ANTXR2: variants seen among roughly 807,000 people sequenced by gnomAD.
The protein encoded by ANTXR2 is ANTXR cell adhesion molecule 2, also known as anthrax toxin receptor 2.
Under a neutral mutation model 73.7 loss-of-function variants are expected in ANTXR2, and 44 were observed. The ratio of observed to expected loss-of-function variants is 0.60; its 90% CI spans 0.47 to 0.77. ANTXR2 has a LOEUF of 0.77. ANTXR2 is among the 30% of genes least tolerant of loss of function. The pLI, the probability that ANTXR2 is intolerant of heterozygous loss-of-function variation, is 0.00. For missense variants in ANTXR2, 604 were observed against 592.5 expected (o/e 1.02, Z -0.20); for synonymous variants, 217 against 205.9 (o/e 1.05, Z -0.46).
chr4:79,917,678 A>C (rs1181310987), intron 16 of ANTXR2, among the ~76,000 whole-genome samples: 4 of 152,176 alleles, frequency 2.6e-5, no homozygotes, highest in Non-Finnish European at 4.4e-5. Flanking sequence ...CTAGTGAACT[A>C]AAAATAAGTA....
At chr4:80,054,952 T>C (rs1024261863) in intron 6 of ANTXR2, among the ~76,000 whole-genome samples, 198 bp downstream of exon 6, 2 of 151,774 alleles carry the variant, frequency 1.3e-5, no homozygotes, top group Admixed American at 6.6e-5. Flanking sequence ...TTGAGAGATT[T>C]AAAGTTTCAT....
chr4:80,068,729 A>G (rs1276770732), intron 3 of ANTXR2, among the ~76,000 whole-genome samples: 1 of 152,136 alleles, frequency 6.6e-6, no homozygotes, highest in East Asian at 1.9e-4. Flanking sequence ...CCAAGATAGC[A>G]CCACTGCACT....
At chr4:79,912,809 T>C (rs1295597556) in intron 16 of ANTXR2, among the ~76,000 whole-genome samples, 3 of 152,118 alleles carry the variant, frequency 2.0e-5, no homozygotes, top group Non-Finnish European at 4.4e-5. Flanking sequence ...TTCAGATTCA[T>C]CTATTTTACT....
chr4:79,931,479 CTCTCTT>C (rs1392766569), intron 16 of ANTXR2, among the ~76,000 whole-genome samples: 1 of 149,238 alleles, frequency 6.7e-6, no homozygotes, highest in East Asian at 1.9e-4. Context: ...CTCTCTCTCT[CTCTCTT>C]TCTCCCCAAA....
rs1329770281 is a variant in ANTXR2, at chr4:80,008,607, T to A, written c.955A>T (p.Ile319Phe). 1 of 1,601,530 alleles carries A rather than the reference T, an allele frequency of 6.2e-7. No homozygotes were observed. The highest frequency in any genetic ancestry group is 1.1e-5 in the South Asian group (1 of 87,692). Residue 319 changes from isoleucine to phenylalanine, a missense_variant, in exon 12 of 17, where the codon ATC becomes TTC. By Grantham distance (21) the Ile-to-Phe change is conservative. Transcript: ENST00000403729. Reference protein sequence around the residue: ...IVTATECSNGIAAIIVILVLL... With the variant: ...IVTATECSNGFAAIIVILVLL... ...ACCAAAATAACAATGATGGCTGCGA[T>A]CCCGTTAGACTAAAGTAGGCAAAAA...
chr4:79,977,566 C>G, intron 16 of ANTXR2, 55 bp downstream of exon 16: 3 of 1,545,704 alleles, frequency 1.9e-6, no homozygotes, highest in Non-Finnish European at 2.6e-6. Flanking sequence ...TTCCCTGCCT[C>G]CATTATACTG....
At chr4:79,995,097 T>C (rs955028753) in intron 12 of ANTXR2, among the ~76,000 whole-genome samples, 3 of 152,042 alleles carry the variant, frequency 2.0e-5, no homozygotes, top group Non-Finnish European at 4.4e-5. Flanking sequence ...CATAAAACTT[T>C]TTAAAGTATA....
At chr4:79,981,185 T>C (rs892861828) in intron 14 of ANTXR2, among the ~76,000 whole-genome samples, 1 of 152,158 alleles carries the variant, frequency 6.6e-6, no homozygotes, top group Non-Finnish European at 1.5e-5. Flanking sequence ...TTTGAAAATG[T>C]TTAATGATGC....
chr4:79,935,218 C>T (rs1728215048), intron 16 of ANTXR2, among the ~76,000 whole-genome samples: 2 of 151,534 alleles, frequency 1.3e-5, no homozygotes, highest in Non-Finnish European at 2.9e-5. Flanking sequence ...TGTCATCGCC[C>T]CCCAACTTTT....
At chr4:79,993,494 T>C (rs542536633) in intron 12 of ANTXR2, among the ~76,000 whole-genome samples, 11 of 151,822 alleles carry the variant, frequency 7.2e-5, no homozygotes, top group Non-Finnish European at 1.0e-4. Flanking sequence ...ATGTACCTAG[T>C]ACAACATTTT....
chr4:79,912,914 T>C (rs755970700), intron 16 of ANTXR2, among the ~76,000 whole-genome samples: 1 of 152,160 alleles, frequency 6.6e-6, no homozygotes, highest in Non-Finnish European at 1.5e-5. Context: ...AAGACTTTAA[T>C]AGACAATATA....
At chr4:79,907,731 A>G (rs1424235977) in intron 16 of ANTXR2, among the ~76,000 whole-genome samples, 3 of 152,184 alleles carry the variant, frequency 2.0e-5, no homozygotes, top group African/African-American at 7.2e-5. Flanking sequence ...ACTATTATCT[A>G]AAATACAGCA....
chr4:80,009,597 C>T (rs974010851), intron 11 of ANTXR2, among the ~76,000 whole-genome samples: 2 of 152,072 alleles, frequency 1.3e-5, no homozygotes, highest in African/African-American at 2.4e-5. Context: ...CGCCTGTAAT[C>T]CCAGCACTTT....
intron 14 of ANTXR2, among the ~76,000 whole-genome samples, chr4:79,979,954 T>C (rs931675703): frequency 2.0e-5 from 3 of 152,152 alleles, no homozygotes; most frequent in Non-Finnish European, 2.9e-5. Flanking sequence ...CATTCAGAAA[T>C]GATAGGCTTT....
chr4:79,958,674 G>A (rs7654129), intron 16 of ANTXR2, among the ~76,000 whole-genome samples: 30,049 of 152,048 alleles, frequency 0.2, 4,960 homozygotes, highest in African/African-American at 0.45. Flanking sequence ...CCAACAGCTC[G>A]GACAGCTGTC....
At chr4:80,019,777 C>T (rs959717056) in intron 10 of ANTXR2, among the ~76,000 whole-genome samples, 14 of 152,004 alleles carry the variant, frequency 9.2e-5, no homozygotes, top group African/African-American at 2.7e-4. Context: ...TTAAAATATC[C>T]CGACAAAGGT....
chr4:80,011,309 A>G lies in ANTXR2; in HGVS notation c.946-2693T>C, dbSNP rs966714084. Among the ~76,000 whole-genome samples, 22 of 146,126 alleles carry G rather than the reference A, an allele frequency of 1.5e-4. 1 individual carries two copies. The highest frequency in any genetic ancestry group is 2.1e-4 in the Admixed American group (3 of 14,564). On this transcript the variant is annotated intron_variant, in intron 11 of 16. Coordinates refer to ENST00000403729, the MANE Select transcript of ANTXR2 (RefSeq NM_058172.6). ...TATCTATCTATCTATCTATCTATCTATCTATCTGTCTATCATCTATCTATC... is the reference window on the plus strand; with the variant it reads ...TATCTATCTATCTATCTATCTATCTGTCTATCTGTCTATCATCTATCTATC...
intron 16 of ANTXR2, among the ~76,000 whole-genome samples, chr4:79,911,223 G>A (rs1030035082): frequency 6.6e-6 from 1 of 152,128 alleles, no homozygotes; most frequent in Admixed American, 6.5e-5. Context: ...ATATCCTCAT[G>A]CTTATAGTGC....
intron 12 of ANTXR2, among the ~76,000 whole-genome samples, chr4:79,996,891 A>G (rs1730754515): frequency 6.6e-6 from 1 of 151,910 alleles, no homozygotes; most frequent in Non-Finnish European, 1.5e-5. Context: ...AGCATCCTTC[A>G]GCTCTGTATT....
Sources: gnomAD v4.1 joint callset for allele counts (sites outside exome capture counted in the v4.1 genomes callset) on GRCh38, gnomAD v4.1.1 for gene constraint, MANE v1.5 for transcripts, NCBI Gene and HGNC (gene_info 2026-07-23, HGNC 2026-07-21) for gene names.